Variants in KSR2 observed in about 807,000 individuals in gnomAD.
KSR2 encodes kinase suppressor of ras 2.
In KSR2, 25 loss-of-function variants were observed where a neutral mutation model predicts 107.8. That is an observed-to-expected ratio of 0.23 (90% CI 0.17 to 0.32). The LOEUF (loss-of-function observed/expected upper bound fraction) is 0.32. Among genes scored for constraint, KSR2 ranks in the 10% least tolerant of loss-of-function variants. The probability of loss-of-function intolerance (pLI) is 1.00; values close to 1 mark genes in which losing one functional copy is unlikely to be tolerated. For missense variants in KSR2, 887 were observed against 1,268.9 expected (o/e 0.70, Z 4.57); for synonymous variants, 480 against 507.0 (o/e 0.95, Z 0.71).
intron 4 of KSR2, among the ~76,000 whole-genome samples, chr12:117,746,821 TA>T (rs58362614): frequency 0.71 from 105,473 of 149,254 alleles, 38,511 homozygotes; most frequent in African/African-American, 0.92. Context: ...AAAAAACATA[TA>T]AAAAAAAAAA....
intron 4 of KSR2, among the ~76,000 whole-genome samples, chr12:117,722,812 C>T (rs565818589): frequency 3.3e-5 from 5 of 152,238 alleles, no homozygotes; most frequent in Non-Finnish European, 7.4e-5. Flanking sequence ...ATCTAAGAAC[C>T]CTCTCTTGGG....
intron 5 of KSR2, among the ~76,000 whole-genome samples, chr12:117,586,524 T>G (rs1357472510): frequency 6.8e-6 from 1 of 147,794 alleles, no homozygotes; most frequent in Non-Finnish European, 1.5e-5. Context: ...GAGGCAGAGG[T>G]TGCAGTGAGC....
At chr12:117,729,340 G>A (rs1284934166) in intron 4 of KSR2, among the ~76,000 whole-genome samples, 1 of 152,034 alleles carries the variant, frequency 6.6e-6, no homozygotes, top group Non-Finnish European at 1.5e-5. Flanking sequence ...GCTTGCCATA[G>A]GGGTGACAAA....
chr12:117,712,813 A>C (rs879515581), intron 4 of KSR2, among the ~76,000 whole-genome samples: 1 of 152,190 alleles, frequency 6.6e-6, no homozygotes, highest in Admixed American at 6.6e-5. Flanking sequence ...AGAGATATCT[A>C]TATCTAGATA....
intron 1 of KSR2, among the ~76,000 whole-genome samples, chr12:117,915,790 C>A (rs1895153884): frequency 6.6e-6 from 1 of 152,174 alleles, no homozygotes. Context: ...AGTCCTCTCA[C>A]TCATTTTTTT....
chr12:117,477,260 T>C (rs1167988117), intron 16 of KSR2, among the ~76,000 whole-genome samples: 1 of 152,226 alleles, frequency 6.6e-6, no homozygotes, highest in African/African-American at 2.4e-5. Flanking sequence ...GCTGGAAACA[T>C]GTGCATTGGG....
In KSR2 at chr12:117,459,148, A is replaced by C. The variant is rs771965164; in HGVS notation, c.*8051T>G. The C allele has an allele frequency of 6.6e-6, 1 of 152,184 alleles. No homozygotes were observed. The highest frequency in any genetic ancestry group is 1.5e-5 in the Non-Finnish European group (1 of 68,026). The allele number at this position is 152,184 out of a possible 1,614,324, so 9.4% of individuals were successfully genotyped here. ...TCATACACAGAGTCTTAGAGACAGA[A>C]TCTTTCTTTCTGCATTTTCCAAGTT... On this transcript the variant is annotated 3_prime_UTR_variant, in exon 20 of 20. Coordinates refer to ENST00000339824, the MANE Select transcript of KSR2 (RefSeq NM_173598.6).
intron 4 of KSR2, among the ~76,000 whole-genome samples, chr12:117,738,319 C>T (rs999196291): frequency 2.6e-5 from 4 of 152,164 alleles, no homozygotes; most frequent in African/African-American, 7.2e-5. Context: ...CATCACTTAA[C>T]GACAGGGATG....
At chr12:117,551,788 C>G (rs1877330799) in intron 9 of KSR2, among the ~76,000 whole-genome samples, 1 of 152,166 alleles carries the variant, frequency 6.6e-6, no homozygotes, top group Non-Finnish European at 1.5e-5. Flanking sequence ...TATGATAGAT[C>G]TTGTCCACCT....
chr12:117,838,511 T>C (rs1199889700), intron 3 of KSR2, among the ~76,000 whole-genome samples: 1 of 152,190 alleles, frequency 6.6e-6, no homozygotes, highest in African/African-American at 2.4e-5. Flanking sequence ...GATGTGGGTT[T>C]GAGCACAAGC....
At chr12:117,619,791 C>A (rs1473907137) in intron 5 of KSR2, among the ~76,000 whole-genome samples, 2 of 151,736 alleles carry the variant, frequency 1.3e-5, no homozygotes, top group Non-Finnish European at 2.9e-5. Context: ...ATAAAGACAG[C>A]TTTATTGAAG....
intron 3 of KSR2, among the ~76,000 whole-genome samples, chr12:117,833,536 T>C (rs1307125319): frequency 4.6e-5 from 7 of 152,156 alleles, no homozygotes; most frequent in African/African-American, 1.7e-4. Flanking sequence ...CTGATTTTTT[T>C]ATTCTTTGTA....
At chr12:117,659,447 C>T (rs2136460244) in intron 5 of KSR2, among the ~76,000 whole-genome samples, 1 of 152,292 alleles carries the variant, frequency 6.6e-6, no homozygotes, top group African/African-American at 2.4e-5. Flanking sequence ...CTCACGTCCG[C>T]ATGCTTCAGC....
chr12:117,491,877 A>G (rs1592924127), intron 14 of KSR2, among the ~76,000 whole-genome samples: 1 of 152,354 alleles, frequency 6.6e-6, no homozygotes, highest in Middle Eastern at 3.4e-3. Flanking sequence ...GCCCTCAGAA[A>G]GTGGTAGCTG....
At chr12:117,807,709 T>C (rs967071611) in intron 3 of KSR2, among the ~76,000 whole-genome samples, 1 of 152,254 alleles carries the variant, frequency 6.6e-6, no homozygotes, top group Non-Finnish European at 1.5e-5. Flanking sequence ...GAACCTACTA[T>C]GTGCCAGGCA....
chr12:117,536,946 TTCACA>T (rs1313966460), intron 10 of KSR2, among the ~76,000 whole-genome samples: 1 of 152,208 alleles, frequency 6.6e-6, no homozygotes, highest in African/African-American at 2.4e-5. Context: ...GCTATGGTGG[TTCACA>T]CCTGTAATCC....
At chr12:117,522,596 T>C (rs115506927) in intron 14 of KSR2, among the ~76,000 whole-genome samples, 3,008 of 152,304 alleles carry the variant, frequency 0.02, 93 homozygotes, top group African/African-American at 0.069. Flanking sequence ...GTCCTTGCAG[T>C]GGGACATTGC....
At position 117,771,001 on chromosome 12, in the gene KSR2, G is replaced by C. The variant is rs543529996; in HGVS notation, c.473-9477C>G. ...CAAAAAAAAAAAAAAAAAAAAGACA[G>C]TTATCAACAAGTAATGCTATAAAGC... On this transcript the variant is annotated intron_variant, in intron 3 of 19. Coordinates refer to ENST00000339824, the MANE Select transcript of KSR2 (RefSeq NM_173598.6). Among the ~76,000 whole-genome samples the C allele has an allele frequency of 2.7e-5, 4 of 147,510 alleles. No individual in the cohort carries two copies. In the East Asian group the frequency reaches 6.0e-4, roughly 22 times the overall value.
intron 16 of KSR2, among the ~76,000 whole-genome samples, 177 bp downstream of exon 16, chr12:117,484,239 C>A (rs573017387): frequency 3.9e-5 from 6 of 152,192 alleles, no homozygotes; most frequent in Admixed American, 2.0e-4. Flanking sequence ...GCTGGCCCCC[C>A]CAGGGGGAAA....
Sources: gnomAD v4.1 joint callset for allele counts (sites outside exome capture counted in the v4.1 genomes callset) on GRCh38, gnomAD v4.1.1 for gene constraint, MANE v1.5 for transcripts, NCBI Gene and HGNC (gene_info 2026-07-23, HGNC 2026-07-21) for gene names.